PKD2L1: variants seen among roughly 807,000 people sequenced by gnomAD.
PKD2L1 encodes the protein polycystin-2-like protein 1.
PKD2L1 carries 77 observed loss-of-function variants against 93.0 expected under a neutral mutation model. The ratio of observed to expected loss-of-function variants is 0.83; its 90% CI spans 0.69 to 1.00. The LOEUF (loss-of-function observed/expected upper bound fraction) is 1.00. Among genes scored for constraint, PKD2L1 ranks in the 50% least tolerant of loss-of-function variants. The pLI, the probability that PKD2L1 is intolerant of heterozygous loss-of-function variation, is 0.00. For synonymous variants in PKD2L1, 390 were observed against 388.0 expected (o/e 1.01, Z -0.06); for missense variants, 977 against 990.9 (o/e 0.99, Z 0.19).
chr10:100,325,864 A>G (rs1358341688), intron 2 of PKD2L1, among the ~76,000 whole-genome samples: 2 of 152,196 alleles, frequency 1.3e-5, no homozygotes, highest in Non-Finnish European at 2.9e-5. Flanking sequence ...CTGCTTAAGA[A>G]TCTTCTCAGG....
chr10:100,301,677 AAC>A (rs972362344), intron 2 of PKD2L1, among the ~76,000 whole-genome samples: 1 of 152,170 alleles, frequency 6.6e-6, no homozygotes, highest in Non-Finnish European at 1.5e-5. Context: ...ATATTGTTCA[AAC>A]ACACATGCTT....
chr10:100,291,222 T>A, intron 12 of PKD2L1, 79 bp downstream of exon 12: 1 of 1,461,516 alleles, frequency 6.8e-7, no homozygotes, highest in Non-Finnish European at 9.3e-7. Context: ...TCAGGTGGGT[T>A]TGTGTTCTAG....
intron 2 of PKD2L1, among the ~76,000 whole-genome samples, chr10:100,316,391 C>T (rs1849102589): frequency 1.3e-5 from 2 of 152,180 alleles, no homozygotes; most frequent in African/African-American, 4.8e-5. Context: ...AAGCTGGTCT[C>T]GAACTCCTGA....
At chr10:100,304,475 G>A (rs574012900) in intron 2 of PKD2L1, among the ~76,000 whole-genome samples, 7 of 151,448 alleles carry the variant, frequency 4.6e-5, no homozygotes, top group Non-Finnish European at 1.5e-5. Flanking sequence ...TAGGTGTCAC[G>A]GTTTCTTTTA....
At chr10:100,301,460 C>CG (rs909493061) in intron 2 of PKD2L1, among the ~76,000 whole-genome samples, 21 of 151,606 alleles carry the variant, frequency 1.4e-4, no homozygotes, top group Non-Finnish European at 2.9e-4. Context: ...AGAGGCCCCC[C>CG]CCCCGGGAAT....
intron 2 of PKD2L1, among the ~76,000 whole-genome samples, chr10:100,302,533 CA>C (rs962940762): frequency 0.037 from 5,175 of 140,220 alleles, 256 homozygotes; most frequent in African/African-American, 0.12. Context: ...CTCATCTCTA[CA>C]AAAAAAAAAA....
intron 2 of PKD2L1, among the ~76,000 whole-genome samples, chr10:100,304,350 T>C (rs1298819646): frequency 1.3e-5 from 2 of 152,242 alleles, no homozygotes; most frequent in African/African-American, 4.8e-5. Context: ...ATACCTCCGA[T>C]GTTCATAGTT....
At chr10:100,293,886 T>C (rs959583277) in intron 9 of PKD2L1, among the ~76,000 whole-genome samples, 6 of 152,150 alleles carry the variant, frequency 3.9e-5, no homozygotes, top group African/African-American at 1.4e-4. Context: ...GCAGGCAGAT[T>C]GCTTGAGTCC....
chr10:100,291,203 G>T, intron 12 of PKD2L1, 98 bp downstream of exon 12: 1 of 1,247,650 alleles, frequency 8.0e-7, no homozygotes, highest in Non-Finnish European at 1.1e-6. Context: ...ACTATCTATG[G>T]GAGAGTTTTC....
Position 100,296,147 on chromosome 10 carries a change from A to C in PKD2L1, c.1331T>G (p.Val444Gly). The change falls in exon 7 of 16, where the codon GTC (valine) becomes GGC (glycine). Residue 444 changes from valine (V) to glycine (G), a missense_variant. By Grantham distance (109) the Val-to-Gly change is moderately radical (BLOSUM62 -3). Transcript: ENST00000318222. ...CTTGATCCAGGCGAAGAAGAGGTTG[A>C]CAGCATTCATGTTGTTGTACTGTGT... is the stretch of plus-strand genomic sequence containing the variant. ...WQTQYNNMNA[V>G]NLFFAWIKIF... 3 of 1,610,998 alleles carry C rather than the reference A, an allele frequency of 1.9e-6. No individual in the cohort carries two copies. Among genetic ancestry groups the C allele is most frequent in the Non-Finnish European group, 2.5e-6 (3 of 1,178,672 alleles).
rs144617354 is a variant in PKD2L1 at position 100,290,045 on chromosome 10, C to A, written c.2220G>T (p.Arg740Ser). 48 of 1,614,232 alleles carry A rather than the reference C, an allele frequency of 3.0e-5. No homozygotes were observed. The highest frequency in any genetic ancestry group is 3.9e-5 in the Non-Finnish European group (46 of 1,180,032). ...AVGSKLKMLE[R>S]KGWLAPSPGV... ...CTGGGGAGGGAGCCAGCCACCCCTT[C>A]CTCTCCAGCATTTTCAGCTTTGAGC... Residue 740 changes from arginine to serine, a missense_variant, in exon 14 of 16, where the codon AGG becomes AGT. Coordinates refer to ENST00000318222, the MANE Select transcript of PKD2L1 (RefSeq NM_016112.3).
At chr10:100,303,500 A>G (rs976789443) in intron 2 of PKD2L1, among the ~76,000 whole-genome samples, 8 of 152,286 alleles carry the variant, frequency 5.3e-5, no homozygotes, top group African/African-American at 1.7e-4. Context: ...AAACATTTTA[A>G]AAGTAGAATT....
rs760582423 is a variant in PKD2L1, at chr10:100,329,936, T to C, written c.168A>G (p.Glu56=). ...LQPQPKKPED[E]PQETAYRTQV... is the part of the protein sequence containing the mutation. ...GGGTCCTGTATGCCGTCTCCTGGGG[T>C]TCATCTTCAGGCTTCTTGGGTTGGG... The change falls in exon 1 of 16, where the codon GAA becomes GAG. Residue 56 remains glutamate (E), a synonymous_variant. Transcript: ENST00000318222. 38 of 1,613,736 alleles carry C rather than the reference T, an allele frequency of 2.4e-5. No homozygotes were observed. Among genetic ancestry groups the C allele is most frequent in the Non-Finnish European group, 6.8e-6 (8 of 1,179,884 alleles).
At position 100,293,364 on chromosome 10, in the gene PKD2L1, T is replaced by TG; in HGVS notation, c.1674dup (p.Ile559HisfsTer4). On this transcript the variant is annotated frameshift_variant, in exon 10 of 16. Transcript: ENST00000318222. LOFTEE classifies it high-confidence loss of function. ...ACCTCTGAATATGTGTCATTGATGA[T>TG]GGCCAGGAACATGTTCTGGAAAATG... The TG allele has an allele frequency of 6.2e-7, 1 of 1,611,940 alleles. No individual in the cohort carries two copies. The highest frequency in any genetic ancestry group is 1.7e-4 in the Middle Eastern group (1 of 6,056).
rs79568268 is a variant in PKD2L1 at position 100,291,342 on chromosome 10, T to C, written c.1966A>G (p.Lys656Glu). 5.7e-3 allele frequency: 9,168 copies of C among 1,614,064 alleles called. 275 individuals are homozygous for C. The highest frequency in any genetic ancestry group is 0.056 in the East Asian group (2,521 of 44,878). The stretch of plus-strand genomic sequence containing the variant: ...TCCTGTCGCATTTTTTCCTGTTCCT[T>C]CTCATCCAGAATACGATTCCCATCT... ...DRDGNRILDE[K>E]EQEKMRQDLE... The change falls in exon 12 of 16, where the codon AAG (lysine) becomes GAG (glutamate). Residue 656 changes from lysine (K) to glutamate (E), a missense_variant. Transcript: ENST00000318222.
At chr10:100,299,848 C>A in intron 2 of PKD2L1, 130 bp from the exon 3 acceptor site, 1 of 767,192 alleles carries the variant, frequency 1.3e-6, no homozygotes. Context: ...ATCCTCTAGA[C>A]TTGGTTAGGA....
chr10:100,314,987 GAAGGAAGGAAGGAAGGAAGGAA>G (rs1227103151), intron 2 of PKD2L1, among the ~76,000 whole-genome samples: 13,946 of 33,000 alleles, frequency 0.42, 3,018 homozygotes, highest in Non-Finnish European at 0.45. Flanking sequence ...AGGAAGGAAG[GAAGGAAGGAAGGAAGGAAGGAA>G]GGAAGGGAAG....
chr10:100,324,088 A>T (rs1849324463), intron 2 of PKD2L1, among the ~76,000 whole-genome samples: 1 of 152,112 alleles, frequency 6.6e-6, no homozygotes, highest in Non-Finnish European at 1.5e-5. Flanking sequence ...TCAGTCTCCC[A>T]AAGTGCTGGG....
chr10:100,301,212 G>T (rs540817218), intron 2 of PKD2L1, among the ~76,000 whole-genome samples: 1 of 152,182 alleles, frequency 6.6e-6, no homozygotes, highest in African/African-American at 2.4e-5. Flanking sequence ...AGGTCAAGGC[G>T]AGATCACAAG....
Sources: allele counts gnomAD v4.1 joint callset (sites outside exome capture counted in the v4.1 genomes callset), GRCh38; gene constraint gnomAD v4.1.1; transcripts MANE v1.5; gene names NCBI Gene and HGNC (gene_info 2026-07-23, HGNC 2026-07-21).